ACSL1: variants seen among roughly 807,000 people sequenced by gnomAD.
The protein encoded by ACSL1 is acyl-CoA synthetase long chain family member 1.
A neutral mutation model predicts 98.4 loss-of-function variants in ACSL1; 41 were observed. The ratio of observed to expected loss-of-function variants is 0.42; its 90% CI spans 0.32 to 0.54. The LOEUF is 0.54. Among genes scored for constraint, ACSL1 ranks in the 20% least tolerant of loss-of-function variants. The pLI, the probability that ACSL1 is intolerant of heterozygous loss-of-function variation, is 0.13. For synonymous variants in ACSL1, 316 were observed against 322.7 expected, an observed-to-expected ratio of 0.98 and a Z score of 0.22; for missense variants, 734 against 883.1, an observed-to-expected ratio of 0.83 and a Z score of 2.14.
intron 1 of ACSL1, chr4:184,812,215 T>A (rs1772193610): frequency 1.0e-6 from 1 of 985,314 alleles, no homozygotes; most frequent in Admixed American, 6.2e-5. Flanking sequence ...GGCCAGGGTC[T>A]CCTCCCATCT....
At position 184,766,515 on chromosome 4, in the gene ACSL1, A is replaced by C; in HGVS notation, c.1263+107T>G. Reference sequence around the variant, plus strand: ...GTGCCAGAATTAACAAAAACATGTTATTCTCTCCCTTACCTTCATCTCTCC... The same window carrying C: ...GTGCCAGAATTAACAAAAACATGTTCTTCTCTCCCTTACCTTCATCTCTCC... On this transcript the variant is annotated intron_variant, in intron 13 of 20. Coordinates refer to ENST00000281455, the MANE Select transcript of ACSL1 (RefSeq NM_001995.5). The surrounding 1 kb of genome is among the most constrained non-coding windows in gnomAD (Gnocchi z 4.8). 1 of 1,417,774 alleles carries C rather than the reference A, an allele frequency of 7.1e-7. No homozygotes were observed. Among genetic ancestry groups the C allele is most frequent in the Non-Finnish European group, 9.6e-7 (1 of 1,046,206 alleles). The allele number at this position is 1,417,774 out of a possible 1,614,324, so 87.8% of individuals were successfully genotyped here. A position where few individuals can be genotyped will look rare whatever the true frequency, so the allele number is the denominator to read the frequency against.
intron 17 of ACSL1, among the ~76,000 whole-genome samples, chr4:184,761,462 A>G (rs529965978): frequency 1.1e-4 from 16 of 152,310 alleles, no homozygotes; most frequent in African/African-American, 3.8e-4. Flanking sequence ...CAGCATCATA[A>G]TAACTTCGAA....
chr4:184,808,169 G>T, intron 1 of ACSL1: 1 of 396,092 alleles, frequency 2.5e-6, no homozygotes, highest in Non-Finnish European at 3.4e-6. Context: ...TTTGTACCAT[G>T]AAAATAGTGG....
At chr4:184,812,166 T>C (rs1772185333) in intron 1 of ACSL1, 1 of 984,078 alleles carries the variant, frequency 1.0e-6, no homozygotes. Flanking sequence ...TTACAGCGAA[T>C]GGTACTTAGT....
chr4:184,820,107 G>A (rs1049803140), intron 1 of ACSL1, among the ~76,000 whole-genome samples: 1 of 152,070 alleles, frequency 6.6e-6, no homozygotes, highest in African/African-American at 2.4e-5. Context: ...GTGTTACCTT[G>A]GCCAAGTCAC....
At chr4:184,776,021 C>T (rs1199676089) in intron 7 of ACSL1, among the ~76,000 whole-genome samples, 3 of 152,164 alleles carry the variant, frequency 2.0e-5, no homozygotes, top group Non-Finnish European at 4.4e-5. Flanking sequence ...AATATGAAAA[C>T]AAACCAAATC....
At chr4:184,770,032 TTAA>T (rs1452821445) in intron 11 of ACSL1, among the ~76,000 whole-genome samples, 1 of 152,220 alleles carries the variant, frequency 6.6e-6, no homozygotes, top group African/African-American at 2.4e-5. Flanking sequence ...TAGAACTGAA[TTAA>T]TAATGACTTT....
intron 4 of ACSL1, among the ~76,000 whole-genome samples, chr4:184,781,216 C>A (rs1389768493): frequency 9.0e-6 from 1 of 110,712 alleles, no homozygotes; most frequent in Non-Finnish European, 1.7e-5. Context: ...GGGTGACAGG[C>A]GAGACTCCAT....
intron 2 of ACSL1, among the ~76,000 whole-genome samples, chr4:184,789,542 C>G (rs567857556): frequency 2.4e-4 from 37 of 152,394 alleles, no homozygotes; most frequent in African/African-American, 8.4e-4. Context: ...AGCTACAAAA[C>G]ATATGCATGT....
chr4:184,812,770 T>C (rs1451234892), intron 1 of ACSL1, among the ~76,000 whole-genome samples: 1 of 152,154 alleles, frequency 6.6e-6, no homozygotes, highest in Admixed American at 6.6e-5. Flanking sequence ...ATAAGTACTT[T>C]TCTTAAGTAA....
At chr4:184,791,005 G>A (rs1579915652) in intron 2 of ACSL1, among the ~76,000 whole-genome samples, 1 of 152,236 alleles carries the variant, frequency 6.6e-6, no homozygotes, top group South Asian at 2.1e-4. Flanking sequence ...ATGAGTGGGT[G>A]TGAAAAGAGA....
rs1014882424 is a variant in ACSL1 at position 184,756,103 on chromosome 4, T to G, written c.*1022A>C. 2.5e-4 allele frequency: 38 copies of G among 152,416 alleles called. No individual in the cohort carries two copies. The highest frequency in any genetic ancestry group is 8.9e-4 in the African/African-American group (37 of 41,570). The allele number at this position is 152,416 out of a possible 1,614,324, so 9.4% of individuals were successfully genotyped here. ...TTTCAATAAGTACTCAAGTATATAC[T>G]CCCTTAATAGCTTTAAAGAAATGCT... On this transcript the variant is annotated 3_prime_UTR_variant, in exon 21 of 21. Coordinates refer to ENST00000281455, the MANE Select transcript of ACSL1 (RefSeq NM_001995.5).
intron 4 of ACSL1, among the ~76,000 whole-genome samples, chr4:184,782,926 G>A (rs1766562157): frequency 6.6e-6 from 1 of 152,146 alleles, no homozygotes; most frequent in Admixed American, 6.5e-5. Context: ...TTCCACAGAC[G>A]CACCCCAAAT....
intron 2 of ACSL1, among the ~76,000 whole-genome samples, chr4:184,801,773 C>T (rs576623106): frequency 2.0e-5 from 3 of 152,170 alleles, no homozygotes; most frequent in Non-Finnish European, 4.4e-5. Flanking sequence ...TTTCTTGCTG[C>T]ATATCTCAAG....
chr4:184,800,442 G>C (rs1770293541), intron 2 of ACSL1, among the ~76,000 whole-genome samples: 1 of 152,158 alleles, frequency 6.6e-6, no homozygotes, highest in Non-Finnish European at 1.5e-5. Context: ...TTTTCACTAG[G>C]GGGCCATGGG....
chr4:184,818,531 A>G (rs1772810110), intron 1 of ACSL1, among the ~76,000 whole-genome samples: 1 of 152,164 alleles, frequency 6.6e-6, no homozygotes, highest in African/African-American at 2.4e-5. Flanking sequence ...GGAACATTAC[A>G]ATGTATATTC....
chr4:184,770,453 A>G lies in ACSL1; in HGVS notation c.939T>C (p.Asp313=). The change falls in exon 11 of 21, where the codon GAT becomes GAC. Residue 313 remains aspartate, a synonymous_variant. Coordinates refer to ENST00000281455, the MANE Select transcript of ACSL1 (RefSeq NM_001995.5). ...ATENTVNPCP[D]DTLISFLPLA... is the part of the protein sequence containing the mutation. ...GAGGCAAGAAAGATATCAAAGTATCATCTGGGCAAGGATTGACTGTATTCT... is the reference window on the plus strand; with the variant it reads ...GAGGCAAGAAAGATATCAAAGTATCGTCTGGGCAAGGATTGACTGTATTCT... 2 of 1,608,730 alleles carry G rather than the reference A, an allele frequency of 1.2e-6. No individual in the cohort carries two copies. Among genetic ancestry groups the G allele is most frequent in the South Asian group, 1.1e-5 (1 of 91,020 alleles).
At chr4:184,811,651 G>C in intron 1 of ACSL1, among the ~76,000 whole-genome samples, 1 of 152,070 alleles carries the variant, frequency 6.6e-6, no homozygotes, top group Non-Finnish European at 1.5e-5. Flanking sequence ...GGGCTGGGCA[G>C]GGGGAGGAGG....
intron 1 of ACSL1, chr4:184,820,979 G>A (rs1377018948): frequency 6.6e-6 from 3 of 455,460 alleles, no homozygotes; most frequent in Non-Finnish European, 4.4e-6. Context: ...AAGCCAGACT[G>A]CCTAGGTTCA....
Sources: allele counts gnomAD v4.1 joint callset (sites outside exome capture counted in the v4.1 genomes callset), GRCh38; gene constraint gnomAD v4.1.1; non-coding constraint Gnocchi (gnomAD v3.1); transcripts MANE v1.5; gene names NCBI Gene and HGNC (gene_info 2026-07-23, HGNC 2026-07-21).